LMAN1: variants seen among roughly 807,000 people sequenced by gnomAD.
LMAN1 encodes the protein protein ERGIC-53.
LMAN1 carries 32 observed loss-of-function variants against 67.8 expected under a neutral mutation model. The ratio of observed to expected loss-of-function variants is 0.47; its 90% CI spans 0.36 to 0.63. The LOEUF (loss-of-function observed/expected upper bound fraction) is 0.63, where lower values mean the gene tolerates loss of function less well. Among genes scored for constraint, LMAN1 ranks in the 30% least tolerant of loss-of-function variants. The probability of loss-of-function intolerance (pLI) is 0.00; values close to 1 mark genes in which losing one functional copy is unlikely to be tolerated. For missense variants in LMAN1, 632 were observed against 628.2 expected (o/e 1.01, Z -0.06); for synonymous variants, 235 against 219.3 (o/e 1.07, Z -0.63).
At position 59,331,185 on chromosome 18, in the gene LMAN1, A is replaced by G. The variant is rs998884983; in HGVS notation, c.1497-56T>C. The G allele has an allele frequency of 2.8e-6, 4 of 1,420,554 alleles. No individual in the cohort carries two copies. The African/African-American group carries it at 5.7e-5, about 20-fold the overall frequency. 88.0% of individuals were successfully genotyped at this position (1,420,554 alleles called of 1,614,324 possible). ...AAGTTCTATACGCTTAACTTTGGAA[A>G]GAAACAGGACTATTTAAAATTAAAA... On this transcript the variant is annotated intron_variant, in intron 12 of 12. Coordinates refer to ENST00000251047, the MANE Select transcript of LMAN1 (RefSeq NM_005570.4).
chr18:59,346,998 A>G (rs1895028016), intron 7 of LMAN1, among the ~76,000 whole-genome samples: 1 of 151,898 alleles, frequency 6.6e-6, no homozygotes, highest in Non-Finnish European at 1.5e-5. Flanking sequence ...TGGGAGGCCA[A>G]GGCAGGCGGA....
At chr18:59,342,768 C>A (rs572032782) in intron 8 of LMAN1, among the ~76,000 whole-genome samples, 1 of 151,706 alleles carries the variant, frequency 6.6e-6, no homozygotes, top group Non-Finnish European at 1.5e-5. Context: ...ATCACTCTTA[C>A]GTGTAATAAC....
chr18:59,329,695 C>T lies in LMAN1; in HGVS notation c.*1398G>A, dbSNP rs1446848117. 6.6e-6 allele frequency: 1 copy of T among 152,006 alleles called. No individual in the cohort carries two copies. The allele number at this position is 152,006 out of a possible 1,614,324, so 9.4% of individuals were successfully genotyped here. A position where few individuals can be genotyped will look rare whatever the true frequency, so the allele number is the denominator to read the frequency against. ...TATAATACAGAGTTCTTCAGAAAGT[C>T]TTTATATATAGATTTTAGGTCGTTA... On this transcript the variant is annotated 3_prime_UTR_variant, in exon 13 of 13. Transcript: ENST00000251047.
intron 8 of LMAN1, among the ~76,000 whole-genome samples, chr18:59,340,962 C>T (rs1183932640): frequency 6.6e-6 from 1 of 152,098 alleles, no homozygotes; most frequent in Non-Finnish European, 1.5e-5. Flanking sequence ...CAACTATATA[C>T]TGCCTACAAG....
intron 2 of LMAN1, 32 bp downstream of exon 2, chr18:59,355,472 G>A (rs766151855): frequency 2.5e-6 from 4 of 1,613,988 alleles, no homozygotes; most frequent in Non-Finnish European, 3.4e-6. Flanking sequence ...ATGCATTTAT[G>A]CACATTTTCT....
intron 8 of LMAN1, among the ~76,000 whole-genome samples, chr18:59,342,325 C>T (rs1025156321): frequency 7.2e-5 from 11 of 152,006 alleles, no homozygotes; most frequent in South Asian, 4.2e-4. Context: ...CCTATGAGGG[C>T]GGTATCACCC....
intron 12 of LMAN1, 26 bp downstream of exon 12, chr18:59,331,391 TG>T (rs773211614): frequency 1.9e-6 from 3 of 1,589,272 alleles, no homozygotes; most frequent in Non-Finnish European, 2.6e-6. Context: ...AGAAAAATAT[TG>T]GGTCACATTT....
At chr18:59,338,407 T>C in intron 10 of LMAN1, 150 bp downstream of exon 10, 1 of 687,260 alleles carries the variant, frequency 1.5e-6, no homozygotes, top group Non-Finnish European at 2.6e-6. Context: ...AAAGTTGCTG[T>C]ATTTATGGTC....
intron 8 of LMAN1, among the ~76,000 whole-genome samples, chr18:59,342,472 G>A (rs773921095): frequency 3.3e-5 from 5 of 152,146 alleles, no homozygotes; most frequent in South Asian, 4.2e-4. Flanking sequence ...AATACAGCAC[G>A]ATCAAGGTGG....
chr18:59,350,896 G>GATT (rs1908530112), intron 5 of LMAN1, among the ~76,000 whole-genome samples: 1 of 152,158 alleles, frequency 6.6e-6, no homozygotes, highest in Admixed American at 6.5e-5. Context: ...ACTGTCCACT[G>GATT]ATTATTACTT....
At chr18:59,356,560 C>T (rs1908664327) in intron 1 of LMAN1, among the ~76,000 whole-genome samples, 1 of 152,216 alleles carries the variant, frequency 6.6e-6, no homozygotes, top group Non-Finnish European at 1.5e-5. Flanking sequence ...GGAAATACAA[C>T]TGTAACTGTA....
chr18:59,355,064 G>A (rs1908629031), intron 3 of LMAN1, among the ~76,000 whole-genome samples: 1 of 152,140 alleles, frequency 6.6e-6, no homozygotes, highest in African/African-American at 2.4e-5. Context: ...ATGGGAGCAG[G>A]GGTCACTGCA....
intron 8 of LMAN1, among the ~76,000 whole-genome samples, chr18:59,339,989 T>A (rs1371697704): frequency 6.6e-6 from 1 of 152,168 alleles, no homozygotes; most frequent in Non-Finnish European, 1.5e-5. Context: ...CTCCTATGCA[T>A]ATCTAGGACA....
rs1481325162 is a variant in LMAN1, at chr18:59,330,099, A to G, written c.*994T>C. On this transcript the variant is annotated 3_prime_UTR_variant, in exon 13 of 13. Transcript: ENST00000251047. ...CACTGTTTTTCAAATTTTGCCTTCA[A>G]GAATCTTAAAACTGCTTCTACTACA... 3 of 152,626 alleles carry G rather than the reference A, an allele frequency of 2.0e-5. No homozygotes were observed. The highest frequency in any genetic ancestry group is 4.4e-5 in the Non-Finnish European group (3 of 68,022). The allele number at this position is 152,626 out of a possible 1,614,324, so 9.5% of individuals were successfully genotyped here.
At chr18:59,338,979 T>C in intron 8 of LMAN1, 26 bp from the exon 9 acceptor site, 1 of 1,595,754 alleles carries the variant, frequency 6.3e-7, no homozygotes, top group Non-Finnish European at 8.6e-7. Flanking sequence ...ATAAAAATGA[T>C]CAGAGTCACC....
In LMAN1 at chr18:59,359,232, T is replaced by C. The variant is rs762231414; in HGVS notation, c.13A>G (p.Arg5Gly). The change falls in exon 1 of 13, where the codon AGG becomes GGG. Residue 5 changes from arginine (R) to glycine (G), a missense_variant. Transcript: ENST00000251047. ...ACTCTGGCCCGGAGACCCCTTTGCCTGGATCCCGCCATCTTGGATTCTGGA... is the reference window on the plus strand; with the variant it reads ...ACTCTGGCCCGGAGACCCCTTTGCCCGGATCCCGCCATCTTGGATTCTGGA... MAGS[R>G]QRGLRARVRP... 3 of 1,613,592 alleles carry C rather than the reference T, an allele frequency of 1.9e-6. No homozygotes were observed. Among genetic ancestry groups the C allele is most frequent in the African/African-American group, 2.7e-5 (2 of 74,914 alleles).
intron 5 of LMAN1, 98 bp downstream of exon 5, chr18:59,353,104 T>A: frequency 9.4e-7 from 1 of 1,062,338 alleles, no homozygotes; most frequent in East Asian, 2.4e-5. Flanking sequence ...TGTAAGCATA[T>A]CCAAATTTAA....
chr18:59,359,246 T>C lies in LMAN1; in HGVS notation c.-2A>G, dbSNP rs1317240224. ...ACCCCTTTGCCTGGATCCCGCCATC[T>C]TGGATTCTGGAACGCGGAGGAGGGC... On this transcript the variant is annotated 5_prime_UTR_variant, in exon 1 of 13. Coordinates refer to ENST00000251047, the MANE Select transcript of LMAN1 (RefSeq NM_005570.4). The C allele has an allele frequency of 6.2e-7, 1 of 1,613,470 alleles. No homozygotes were observed. The highest frequency in any genetic ancestry group is 8.5e-7 in the Non-Finnish European group (1 of 1,179,538).
intron 5 of LMAN1, among the ~76,000 whole-genome samples, chr18:59,350,238 ATAT>A (rs1908510587): frequency 6.6e-6 from 1 of 152,232 alleles, no homozygotes; most frequent in African/African-American, 2.4e-5. Context: ...CATTTGGTTC[ATAT>A]TAATATGTTT....
Sources: allele counts gnomAD v4.1 joint callset (sites outside exome capture counted in the v4.1 genomes callset), GRCh38; gene constraint gnomAD v4.1.1; transcripts MANE v1.5; gene names NCBI Gene and HGNC (gene_info 2026-07-23, HGNC 2026-07-21).